Variants in COL4A4 observed in about 807,000 individuals in gnomAD.
COL4A4 encodes the protein collagen alpha-4(IV) chain.
A neutral mutation model predicts 192.9 loss-of-function variants in COL4A4; 105 were observed. That is an observed-to-expected ratio of 0.54 (90% CI 0.46 to 0.64). COL4A4 has a LOEUF of 0.64. Ranked by LOEUF, COL4A4 falls within the 30% of genes least tolerant of loss-of-function variation. The pLI, the probability that COL4A4 is intolerant of heterozygous loss-of-function variation, is 0.00. For missense variants in COL4A4, 1,967 were observed against 2,169.3 expected, an observed-to-expected ratio of 0.91 and a Z score of 1.85; for synonymous variants, 762 against 769.9, an observed-to-expected ratio of 0.99 and a Z score of 0.17.
intron 25 of COL4A4, among the ~76,000 whole-genome samples, chr2:227,073,104 CT>C (rs148430961): frequency 0.015 from 2,293 of 152,052 alleles, 66 homozygotes; most frequent in African/African-American, 0.052. Context: ...GGAAGTCAAA[CT>C]ATCACTGTTT....
intron 17 of COL4A4, 25 bp from the exon 18 acceptor site, chr2:227,099,714 T>C: frequency 6.2e-7 from 1 of 1,602,162 alleles, no homozygotes; most frequent in Non-Finnish European, 8.6e-7. Context: ...TCATTCACTT[T>C]TTAAAGGAAT....
In COL4A4 at chr2:227,007,267, G is replaced by A. The variant is rs1469216541; in HGVS notation, c.*58C>T. 8.1e-6 allele frequency: 13 copies of A among 1,610,170 alleles called. No homozygotes were observed. The highest frequency in any genetic ancestry group is 1.1e-5 in the Non-Finnish European group (13 of 1,176,940). ...CATGACATCTCTTAGCACAGTCTAG[G>A]AAGTCTTAGCCCCCTAGGAAGTTTC... On this transcript the variant is annotated 3_prime_UTR_variant, in exon 48 of 48. Coordinates refer to ENST00000396625, the MANE Select transcript of COL4A4 (RefSeq NM_000092.5).
At position 227,020,880 on chromosome 2, in the gene COL4A4, C is replaced by CTTTTTTTTTTTTTTTTTT. The variant is rs57119611; in HGVS notation, c.4216+1167_4216+1168insAAAAAAAAAAAAAAAAAA. On this transcript the variant is annotated intron_variant, in intron 44 of 47. Transcript: ENST00000396625. Reference sequence around the variant, plus strand: ...CAAACCATTCGGAGAACACTTTTTTCTTTTTTTTTTTTTTTTGAGATGGAG... The same window carrying CTTTTTTTTTTTTTTTTTT: ...CAAACCATTCGGAGAACACTTTTTTCTTTTTTTTTTTTTTTTTTTTTTTTTTTTTTTTTTGAGATGGAG... 1.5e-4 allele frequency among the ~76,000 whole-genome samples: 19 copies of CTTTTTTTTTTTTTTTTTT among 127,580 alleles called. 1 individual carries two copies. The highest frequency in any genetic ancestry group is 3.8e-4 in the African/African-American group (12 of 31,562). 83.7% of individuals were successfully genotyped at this position (127,580 alleles called of 152,430 possible).
chr2:227,017,624 T>C (rs1435473437), intron 44 of COL4A4, among the ~76,000 whole-genome samples: 1 of 152,130 alleles, frequency 6.6e-6, no homozygotes, highest in African/African-American at 2.4e-5. Flanking sequence ...AAGAGATCTG[T>C]GTGTAGAAGA....
chr2:227,031,956 T>C lies in COL4A4; in HGVS notation c.3806A>G (p.Asp1269Gly), dbSNP rs530188385. 6 of 1,611,646 alleles carry C rather than the reference T, an allele frequency of 3.7e-6. No homozygotes were observed. The African/African-American group carries it at 4.0e-5, about 11-fold the overall frequency. ...PPGDQGPPGP[D>G]GPRGAPGPPG... ...TGATTCTCTCATACCTCTTGGGCCA[T>C]CAGGACCAGGAGGTCCCTGATCTCC... Residue 1269 changes from aspartate (D) to glycine (G), a missense_variant, in exon 40 of 48, where the codon GAT (aspartate) becomes GGT (glycine). Asp to Gly is a moderately conservative substitution (Grantham distance 94). Coordinates refer to ENST00000396625, the MANE Select transcript of COL4A4 (RefSeq NM_000092.5).
Position 227,027,321 on chromosome 2 carries a change from T to C in COL4A4, c.4081+581A>G, listed in dbSNP as rs7567805. On this transcript the variant is annotated intron_variant, in intron 42 of 47. Coordinates refer to ENST00000396625, the MANE Select transcript of COL4A4 (RefSeq NM_000092.5). Reference sequence around the variant, plus strand: ...CTTTTTTTTTTTTGAGTTCATGTCCTTTGTAGGGACATGGATGAAGCTGGA... The same window carrying C: ...CTTTTTTTTTTTTGAGTTCATGTCCCTTGTAGGGACATGGATGAAGCTGGA... 9.2e-3 allele frequency among the ~76,000 whole-genome samples: 1,384 copies of C among 151,148 alleles called. 26 individuals carry two copies. Among genetic ancestry groups the C allele is most frequent in the African/African-American group, 0.031 (1,297 of 41,180 alleles).
intron 1 of COL4A4, among the ~76,000 whole-genome samples, chr2:227,160,158 G>A (rs2064704638): frequency 6.6e-6 from 1 of 152,190 alleles, no homozygotes; most frequent in South Asian, 2.1e-4. Flanking sequence ...TGACACAAGA[G>A]ATAAAACAAA....
the COL4A4 span, among the ~76,000 whole-genome samples, chr2:226,972,461 A>G: frequency 1.3e-5 from 2 of 152,106 alleles, no homozygotes; most frequent in Non-Finnish European, 2.9e-5. Flanking sequence ...CCCTGGAAAA[A>G]GGGGTCTGCC....
At position 227,014,326 on chromosome 2, in the gene COL4A4, T is replaced by G. The variant is rs562733246; in HGVS notation, c.4217-2029A>C. On this transcript the variant is annotated intron_variant, in intron 44 of 47. Coordinates refer to ENST00000396625, the MANE Select transcript of COL4A4 (RefSeq NM_000092.5). ...GGGGTGGGGCATGAGAATCTGCATT[T>G]CTAGAAGTCCCCAGGTGATGCTGAT... Among the ~76,000 whole-genome samples, 13 of 152,284 alleles carry G rather than the reference T, an allele frequency of 8.5e-5. No homozygotes were observed. The South Asian group carries it at 2.7e-3, about 32-fold the overall frequency.
At chr2:227,089,577 G>T (rs2059784158) in intron 21 of COL4A4, among the ~76,000 whole-genome samples, 1 of 87,268 alleles carries the variant, frequency 1.1e-5, no homozygotes, top group African/African-American at 3.5e-5. Flanking sequence ...ATTCATGGCA[G>T]GCAAATGTTC....
rs113056108 is a variant in COL4A4 at position 227,114,514 on chromosome 2, A to C, written c.558+114T>G. On this transcript the variant is annotated intron_variant, in intron 8 of 47. Transcript: ENST00000396625. ...ATCCCTGAGGGTCAGGGTAATGATA[A>C]AAATTGGTGTATTCAGGGACATTTT... 2.8e-5 allele frequency: 24 copies of C among 852,604 alleles called. 1 individual carries two copies. The highest frequency in any genetic ancestry group is 1.2e-4 in the African/African-American group (7 of 60,370). The allele number at this position is 852,604 out of a possible 1,614,324, so 52.8% of individuals were successfully genotyped here.
At chr2:227,122,758 C>T (rs567229810) in intron 4 of COL4A4, among the ~76,000 whole-genome samples, 1 of 152,298 alleles carries the variant, frequency 6.6e-6, no homozygotes, top group African/African-American at 2.4e-5. Flanking sequence ...GTGGTCAACC[C>T]CACATTGGGT....
intron 13 of COL4A4, among the ~76,000 whole-genome samples, chr2:227,103,698 G>A (rs1016357949): frequency 1.3e-5 from 2 of 152,030 alleles, no homozygotes; most frequent in Admixed American, 6.6e-5. Flanking sequence ...CAATCCACAC[G>A]TCAAAACAAC....
At chr2:227,057,165 A>G (rs1166128487) in intron 29 of COL4A4, among the ~76,000 whole-genome samples, 1 of 152,222 alleles carries the variant, frequency 6.6e-6, no homozygotes, top group African/African-American at 2.4e-5. Context: ...GCTTTCTCAC[A>G]GGTTGCTATA....
chr2:227,157,825 C>T (rs1320462904), intron 1 of COL4A4, among the ~76,000 whole-genome samples: 2 of 151,908 alleles, frequency 1.3e-5, no homozygotes, highest in African/African-American at 4.8e-5. Context: ...TTCTATCAAA[C>T]ATTTAATGAA....
At position 227,007,098 on chromosome 2, in the gene COL4A4, T is replaced by TA. The variant is rs1447852523; in HGVS notation, c.*226dup. On this transcript the variant is annotated 3_prime_UTR_variant, in exon 48 of 48. Coordinates refer to ENST00000396625, the MANE Select transcript of COL4A4 (RefSeq NM_000092.5). ...AGTTCTTCGATCATCCTCAGTAAAATAAGAGTATCTAGGCTCCCTAGATTG... is the reference window on the plus strand; with the variant it reads ...AGTTCTTCGATCATCCTCAGTAAAATAAAGAGTATCTAGGCTCCCTAGATTG... 5 of 640,708 alleles carry TA rather than the reference T, an allele frequency of 7.8e-6. No individual in the cohort carries two copies. The highest frequency in any genetic ancestry group is 3.6e-5 in the African/African-American group (2 of 55,374). The allele number at this position is 640,708 out of a possible 1,614,324, so 39.7% of individuals were successfully genotyped here.
chr2:227,009,895 C>T (rs1341761350), intron 46 of COL4A4, among the ~76,000 whole-genome samples: 4 of 152,014 alleles, frequency 2.6e-5, no homozygotes, highest in Non-Finnish European at 5.9e-5. Flanking sequence ...TGGCAAGTGC[C>T]GTAACACAAC....
At chr2:227,043,544 T>C (rs1336902841) in intron 35 of COL4A4, among the ~76,000 whole-genome samples, 1 of 152,194 alleles carries the variant, frequency 6.6e-6, no homozygotes, top group East Asian at 1.9e-4. Flanking sequence ...AATTAACTAA[T>C]TCAATTTATT....
chr2:227,008,354 G>C, intron 46 of COL4A4, 50 bp from the exon 47 acceptor site: 1 of 1,591,164 alleles, frequency 6.3e-7, no homozygotes, highest in Non-Finnish European at 8.6e-7. Flanking sequence ...CCATGTAGGT[G>C]TTCCCAGACC....
Sources: allele counts gnomAD v4.1 joint callset (sites outside exome capture counted in the v4.1 genomes callset), GRCh38; gene constraint gnomAD v4.1.1; transcripts MANE v1.5; gene names NCBI Gene and HGNC (gene_info 2026-07-23, HGNC 2026-07-21).